Variants in ASTN2 observed in about 807,000 individuals in gnomAD.
ASTN2 encodes astrotactin-2.
Under a neutral mutation model 139.8 loss-of-function variants are expected in ASTN2, and 54 were observed. That is an observed-to-expected ratio of 0.39 (90% CI 0.31 to 0.48). ASTN2 has a LOEUF of 0.48. ASTN2 is among the 20% of genes least tolerant of loss of function. The probability of loss-of-function intolerance (pLI) is 0.95; values close to 1 mark genes in which losing one functional copy is unlikely to be tolerated. For synonymous variants in ASTN2, 756 were observed against 719.5 expected, an observed-to-expected ratio of 1.05 and a Z score of -0.81; for missense variants, 1,565 against 1,725.1, an observed-to-expected ratio of 0.91 and a Z score of 1.64.
intron 19 of ASTN2, among the ~76,000 whole-genome samples, chr9:116,559,816 G>A (rs1852815629): frequency 6.6e-6 from 1 of 152,166 alleles, no homozygotes; most frequent in South Asian, 2.1e-4. Context: ...TTAAGAACCT[G>A]TATTTGTGGC....
At chr9:116,719,401 G>A (rs956241960) in intron 16 of ASTN2, among the ~76,000 whole-genome samples, 3 of 152,082 alleles carry the variant, frequency 2.0e-5, no homozygotes, top group African/African-American at 4.8e-5. Context: ...AAATTAAGGA[G>A]TTAAGATTCA....
At chr9:116,956,374 C>T (rs1463776283) in intron 10 of ASTN2, among the ~76,000 whole-genome samples, 2 of 149,368 alleles carry the variant, frequency 1.3e-5, no homozygotes, top group East Asian at 3.9e-4. Context: ...GCTGGGATTA[C>T]AGGCATGAGA....
At chr9:117,230,832 A>G (rs1485308695) in intron 2 of ASTN2, among the ~76,000 whole-genome samples, 2 of 152,146 alleles carry the variant, frequency 1.3e-5, no homozygotes, top group African/African-American at 4.8e-5. Flanking sequence ...TTCCACAGAG[A>G]AGGCTGTGGA....
intron 5 of ASTN2, among the ~76,000 whole-genome samples, chr9:117,076,612 G>T (rs1384379737): frequency 2.0e-5 from 3 of 152,144 alleles, no homozygotes; most frequent in Non-Finnish European, 2.9e-5. Flanking sequence ...CAAGAGTGGG[G>T]TGAAGGAGAC....
At chr9:117,395,120 C>A (rs79032670) in intron 1 of ASTN2, among the ~76,000 whole-genome samples, 2,070 of 152,226 alleles carry the variant, frequency 0.014, 44 homozygotes, top group African/African-American at 0.047. Context: ...AAAGGCAGAT[C>A]CCTGAAGTCA....
chr9:116,759,162 G>C (rs1311290659), intron 13 of ASTN2, among the ~76,000 whole-genome samples: 1 of 152,114 alleles, frequency 6.6e-6, no homozygotes, highest in Non-Finnish European at 1.5e-5. Flanking sequence ...TTCTAGGCCT[G>C]AGCCACCATG....
At chr9:116,507,952 C>A (rs1850182992) in intron 19 of ASTN2, among the ~76,000 whole-genome samples, 2 of 152,078 alleles carry the variant, frequency 1.3e-5, no homozygotes, top group Non-Finnish European at 2.9e-5. Context: ...ACAATGGTGT[C>A]ATCTTGGCTC....
intron 16 of ASTN2, among the ~76,000 whole-genome samples, chr9:116,725,294 A>T (rs894206): frequency 0.2 from 30,722 of 151,894 alleles, 3,589 homozygotes; most frequent in Admixed American, 0.33. Context: ...TCACCACAGG[A>T]CAGAATGGAA....
intron 7 of ASTN2, among the ~76,000 whole-genome samples, chr9:116,981,874 A>T (rs1000928649): frequency 1.5e-4 from 23 of 152,232 alleles, no homozygotes; most frequent in Admixed American, 8.5e-4. Context: ...GGTTCTCATA[A>T]GGGAATTCAA....
chr9:116,425,470 C>G lies in ASTN2; in HGVS notation c.*381G>C, dbSNP rs1381186149. The G allele has an allele frequency of 9.6e-6, 12 of 1,253,704 alleles. No individual in the cohort carries two copies. In the East Asian group the frequency reaches 2.8e-4, roughly 29 times the overall value. 77.7% of individuals were successfully genotyped at this position (1,253,704 alleles called of 1,614,324 possible). A position where few individuals can be genotyped will look rare whatever the true frequency, so the allele number is the denominator to read the frequency against. ...AAACTGTCCCTCCATAGGTCTCCTC[C>G]AGGGGTCCATGGCAGGAAGAAAGCA... On this transcript the variant is annotated 3_prime_UTR_variant, in exon 23 of 23. Coordinates refer to ENST00000313400, the MANE Select transcript of ASTN2 (RefSeq NM_001365068.1).
At chr9:116,701,785 C>T (rs1827815682) in intron 16 of ASTN2, among the ~76,000 whole-genome samples, 1 of 151,592 alleles carries the variant, frequency 6.6e-6, no homozygotes, top group Admixed American at 6.6e-5. Flanking sequence ...TTAGGCTGTG[C>T]TTAGTACAGT....
Position 117,137,135 on chromosome 9 carries a change from C to G in ASTN2, c.1168+4191G>C, listed in dbSNP as rs1217281247. ...TAATAGCAGCCTCATAAAACCCCAG[C>G]ACTAACATGAAGTCAGAAGTTCAAA... is the stretch of plus-strand genomic sequence containing the variant. On this transcript the variant is annotated intron_variant, in intron 4 of 22. Transcript: ENST00000313400. Among the ~76,000 whole-genome samples, 10 of 152,188 alleles carry G rather than the reference C, an allele frequency of 6.6e-5. No individual in the cohort carries two copies. The East Asian group carries it at 1.7e-3, about 26-fold the overall frequency.
chr9:116,652,365 A>T (rs1039717735), intron 16 of ASTN2, among the ~76,000 whole-genome samples: 6 of 152,154 alleles, frequency 3.9e-5, no homozygotes, highest in East Asian at 1.9e-4. Context: ...AATTAATTAA[A>T]TAAAGTTGGT....
intron 10 of ASTN2, among the ~76,000 whole-genome samples, chr9:116,955,626 T>C (rs905572803): frequency 2.6e-5 from 4 of 152,158 alleles, no homozygotes; most frequent in African/African-American, 9.7e-5. Context: ...CTGCTAGAAG[T>C]GGAAAAATTA....
At chr9:116,637,995 C>A (rs558267541) in intron 17 of ASTN2, among the ~76,000 whole-genome samples, 2 of 152,234 alleles carry the variant, frequency 1.3e-5, no homozygotes, top group East Asian at 1.9e-4. Flanking sequence ...GAACAGGATG[C>A]TTAGTAGGTC....
intron 2 of ASTN2, among the ~76,000 whole-genome samples, chr9:117,222,716 TC>T (rs767320480): frequency 4.1e-4 from 63 of 152,278 alleles, no homozygotes; most frequent in Non-Finnish European, 8.1e-4. Context: ...GCTTTTCCCT[TC>T]CCCAGGTGCA....
intron 3 of ASTN2, among the ~76,000 whole-genome samples, chr9:117,202,032 G>A (rs974349434): frequency 3.3e-5 from 5 of 152,166 alleles, no homozygotes; most frequent in African/African-American, 9.7e-5. Context: ...CCTGTATTGG[G>A]TGCATATATA....
intron 10 of ASTN2, among the ~76,000 whole-genome samples, chr9:116,879,085 A>G (rs982421974): frequency 6.6e-6 from 1 of 152,094 alleles, no homozygotes; most frequent in Non-Finnish European, 1.5e-5. Flanking sequence ...GACCTCTAGA[A>G]GGAAGAGCAC....
intron 3 of ASTN2, among the ~76,000 whole-genome samples, chr9:117,191,227 C>CAAA (rs35328157): frequency 1.0e-3 from 65 of 62,456 alleles, no homozygotes; most frequent in South Asian, 2.7e-3. Context: ...TACAAAATAG[C>CAAA]AAAAAAAAAA....
Sources: gnomAD v4.1 joint callset for allele counts (sites outside exome capture counted in the v4.1 genomes callset) on GRCh38, gnomAD v4.1.1 for gene constraint, MANE v1.5 for transcripts, NCBI Gene and HGNC (gene_info 2026-07-23, HGNC 2026-07-21) for gene names.